Variants in KCNH8 observed in about 807,000 individuals in gnomAD.
KCNH8 encodes the protein potassium voltage-gated channel subfamily H member 8.
In KCNH8, 70 loss-of-function variants were observed where a neutral mutation model predicts 103.6. That is an observed-to-expected ratio of 0.68 (90% CI 0.56 to 0.82). The LOEUF (loss-of-function observed/expected upper bound fraction) is 0.82. KCNH8 is among the 40% of genes least tolerant of loss of function. The pLI is 0.00. For synonymous variants in KCNH8, 498 were observed against 489.4 expected, an observed-to-expected ratio of 1.02 and a Z score of -0.23; for missense variants, 1,217 against 1,329.9, an observed-to-expected ratio of 0.92 and a Z score of 1.32.
chr3:19,196,079 CA>C (rs746369966), intron 1 of KCNH8, among the ~76,000 whole-genome samples: 34 of 151,896 alleles, frequency 2.2e-4, no homozygotes, highest in Non-Finnish European at 1.9e-4. Context: ...GTCTGAAACT[CA>C]AAACCCTGTT....
chr3:19,237,012 TG>T (rs2064074923), intron 1 of KCNH8, among the ~76,000 whole-genome samples: 1 of 152,256 alleles, frequency 6.6e-6, no homozygotes. Context: ...TAAAATGGTA[TG>T]AGATTGTGGG....
intron 1 of KCNH8, among the ~76,000 whole-genome samples, chr3:19,250,063 A>G (rs1484107603): frequency 6.6e-6 from 1 of 152,158 alleles, no homozygotes; most frequent in Non-Finnish European, 1.5e-5. Context: ...ACAAAACCCC[A>G]TCTCTACAAA....
At chr3:19,164,618 C>A (rs891417857) in intron 1 of KCNH8, among the ~76,000 whole-genome samples, 1 of 152,156 alleles carries the variant, frequency 6.6e-6, no homozygotes, top group East Asian at 1.9e-4. Flanking sequence ...AAAATTGGAT[C>A]TAAAGTGTAA....
intron 11 of KCNH8, among the ~76,000 whole-genome samples, chr3:19,487,485 C>A (rs1467285823): frequency 6.6e-6 from 1 of 152,094 alleles, no homozygotes; most frequent in Non-Finnish European, 1.5e-5. Flanking sequence ...TTTTAAGCGC[C>A]TGAGATGAAC....
chr3:19,522,497 T>G (rs2068989454), intron 15 of KCNH8, among the ~76,000 whole-genome samples: 1 of 152,012 alleles, frequency 6.6e-6, no homozygotes, highest in Non-Finnish European at 1.5e-5. Context: ...GACCTTCAAC[T>G]GATTGGATGA....
chr3:19,519,869 A>G (rs1322650657), intron 15 of KCNH8, among the ~76,000 whole-genome samples: 1 of 151,912 alleles, frequency 6.6e-6, no homozygotes, highest in Non-Finnish European at 1.5e-5. Context: ...CTTAGTTCAA[A>G]TATTAGAGTT....
chr3:19,432,444 A>G (rs1212349375), intron 7 of KCNH8, among the ~76,000 whole-genome samples: 1 of 152,216 alleles, frequency 6.6e-6, no homozygotes, highest in Non-Finnish European at 1.5e-5. Context: ...GAGGACAATA[A>G]GGAAATTTGG....
chr3:19,457,461 C>T (rs940342195), intron 11 of KCNH8, among the ~76,000 whole-genome samples: 1 of 151,888 alleles, frequency 6.6e-6, no homozygotes. Flanking sequence ...AGGATTCAAG[C>T]GAAGGATTGT....
intron 14 of KCNH8, among the ~76,000 whole-genome samples, chr3:19,515,928 T>A (rs2068867155): frequency 6.6e-6 from 1 of 152,052 alleles, no homozygotes; most frequent in Non-Finnish European, 1.5e-5. Flanking sequence ...CCTTTAGTGA[T>A]GGTGAATTAA....
intron 1 of KCNH8, among the ~76,000 whole-genome samples, chr3:19,249,847 C>T (rs576067115): frequency 2.6e-4 from 39 of 152,078 alleles, no homozygotes; most frequent in Non-Finnish European, 3.7e-4. Context: ...GTATGGTATA[C>T]CCAGGGGTTT....
chr3:19,184,449 A>G (rs2063483932), intron 1 of KCNH8, among the ~76,000 whole-genome samples: 1 of 152,030 alleles, frequency 6.6e-6, no homozygotes, highest in Admixed American at 6.5e-5. Context: ...ATTTTGATAC[A>G]TAAGCACTTC....
intron 5 of KCNH8, among the ~76,000 whole-genome samples, chr3:19,362,377 T>C (rs774306177): frequency 2.0e-4 from 30 of 152,088 alleles, no homozygotes; most frequent in Non-Finnish European, 4.4e-5. Context: ...GGGAAATTAA[T>C]GGAGGATGAG....
chr3:19,451,124 A>G lies in KCNH8; in HGVS notation c.1576-31A>G, dbSNP rs1265781107. 2.5e-6 allele frequency: 4 copies of G among 1,611,244 alleles called. No individual in the cohort carries two copies. The Admixed American group carries it at 6.7e-5, about 27-fold the overall frequency. On this transcript the variant is annotated intron_variant, in intron 9 of 15. Transcript: ENST00000328405. Reference sequence around the variant, plus strand: ...AATCAGTTAGACTACACTTACCCCAATTTGATTTCCTCCTTCATCTTCTCT... The same window carrying G: ...AATCAGTTAGACTACACTTACCCCAGTTTGATTTCCTCCTTCATCTTCTCT...
chr3:19,322,410 G>T (rs949942020), intron 3 of KCNH8, among the ~76,000 whole-genome samples: 6 of 152,092 alleles, frequency 3.9e-5, no homozygotes, highest in African/African-American at 1.4e-4. Context: ...AGCATCTTTT[G>T]TCTGTGTCTG....
At chr3:19,369,380 A>G (rs1033221663) in intron 5 of KCNH8, among the ~76,000 whole-genome samples, 1 of 151,562 alleles carries the variant, frequency 6.6e-6, no homozygotes, top group Non-Finnish European at 1.5e-5. Context: ...GGATGTTTCT[A>G]CTCAGTCTCT....
intron 3 of KCNH8, among the ~76,000 whole-genome samples, chr3:19,312,610 C>T (rs1186484548): frequency 2.0e-5 from 3 of 151,810 alleles, no homozygotes; most frequent in Non-Finnish European, 2.9e-5. Context: ...CACAGCTTCT[C>T]GTCATGTAAT....
At chr3:19,240,917 A>G (rs1462302962) in intron 1 of KCNH8, among the ~76,000 whole-genome samples, 1 of 151,992 alleles carries the variant, frequency 6.6e-6, no homozygotes, top group Non-Finnish European at 1.5e-5. Flanking sequence ...CACCACCTTC[A>G]TTGGTATCGC....
chr3:19,508,825 T>A (rs2068737870), intron 11 of KCNH8, among the ~76,000 whole-genome samples: 1 of 152,190 alleles, frequency 6.6e-6, no homozygotes, highest in Non-Finnish European at 1.5e-5. Flanking sequence ...AAAATGACTC[T>A]GGGATTCAGC....
At chr3:19,320,398 C>T (rs2065334008) in intron 3 of KCNH8, among the ~76,000 whole-genome samples, 1 of 152,002 alleles carries the variant, frequency 6.6e-6, no homozygotes, top group South Asian at 2.1e-4. Flanking sequence ...AACCCTTTTT[C>T]TGCATCTACT....
Sources: gnomAD v4.1 joint callset for allele counts (sites outside exome capture counted in the v4.1 genomes callset) on GRCh38, gnomAD v4.1.1 for gene constraint, MANE v1.5 for transcripts, NCBI Gene and HGNC (gene_info 2026-07-23, HGNC 2026-07-21) for gene names.